UPF2: variants seen among roughly 807,000 people sequenced by gnomAD.
UPF2 encodes the protein regulator of nonsense transcripts 2.
In UPF2, 17 loss-of-function variants were observed where a neutral mutation model predicts 141.4. The ratio of observed to expected loss-of-function variants is 0.12; its 90% confidence interval spans 0.08 to 0.18. The LOEUF is 0.18. UPF2 is among the 10% of genes least tolerant of loss of function. The probability of loss-of-function intolerance (pLI) is 1.00; values close to 1 mark genes in which losing one functional copy is unlikely to be tolerated. For synonymous variants in UPF2, 540 were observed against 498.0 expected, an observed-to-expected ratio of 1.08 and a Z score of -1.12; for missense variants, 1,152 against 1,515.9, an observed-to-expected ratio of 0.76 and a Z score of 3.99.
intron 8 of UPF2, among the ~76,000 whole-genome samples, chr10:11,996,868 T>C (rs1833872584): frequency 6.6e-6 from 1 of 152,212 alleles, no homozygotes; most frequent in Non-Finnish European, 1.5e-5. Flanking sequence ...TGGGCCTCCA[T>C]CAATGAATGA....
At chr10:11,960,524 T>A (rs943317766) in intron 11 of UPF2, among the ~76,000 whole-genome samples, 35 of 152,036 alleles carry the variant, frequency 2.3e-4, no homozygotes, top group Non-Finnish European at 7.4e-5. Context: ...GCTTTGATCA[T>A]GTCACTGCAC....
intron 15 of UPF2, among the ~76,000 whole-genome samples, chr10:11,950,444 G>T (rs577021089): frequency 6.6e-6 from 1 of 152,106 alleles, no homozygotes; most frequent in Non-Finnish European, 1.5e-5. Context: ...CACTGATTGC[G>T]GCCGCTACCA....
intron 18 of UPF2, among the ~76,000 whole-genome samples, chr10:11,937,135 C>T (rs915399858): frequency 9.8e-5 from 15 of 152,340 alleles, no homozygotes; most frequent in African/African-American, 2.4e-4. Context: ...AGGGCGTTAC[C>T]CACAGCAGGA....
intron 9 of UPF2, among the ~76,000 whole-genome samples, chr10:11,974,021 G>A (rs1833463614): frequency 6.6e-6 from 1 of 152,160 alleles, no homozygotes; most frequent in African/African-American, 2.4e-5. Context: ...CCGTGAGCAT[G>A]GAATGTTCTT....
intron 14 of UPF2, among the ~76,000 whole-genome samples, chr10:11,954,904 T>C (rs1833125820): frequency 2.0e-5 from 3 of 150,708 alleles, no homozygotes; most frequent in Admixed American, 2.0e-4. Context: ...GTATTACAAA[T>C]CACAAGTAAT....
intron 9 of UPF2, 92 bp from the exon 10 acceptor site, chr10:11,967,546 GTTT>G (rs755905255): frequency 8.8e-3 from 2,131 of 241,996 alleles, no homozygotes; most frequent in Middle Eastern, 0.018. Context: ...ATTCACTCCA[GTTT>G]TTTTTTTTTT....
chr10:11,925,627 G>A (rs975383606), intron 21 of UPF2, among the ~76,000 whole-genome samples: 1 of 152,224 alleles, frequency 6.6e-6, no homozygotes, highest in African/African-American at 2.4e-5. Context: ...AGGAGGACAA[G>A]GTCTGCAGAA....
rs1271847474 is a variant in UPF2 at position 11,979,190 on chromosome 10, G to A, written c.1845-25C>T. 2 of 1,535,722 alleles carry A rather than the reference G, an allele frequency of 1.3e-6. No individual in the cohort carries two copies. Among genetic ancestry groups the A allele is most frequent in the South Asian group, 1.2e-5 (1 of 86,828 alleles). On this transcript the variant is annotated intron_variant, in intron 8 of 21. Coordinates refer to ENST00000357604, the MANE Select transcript of UPF2 (RefSeq NM_015542.4). The surrounding 1 kb of genome is among the most constrained non-coding windows in gnomAD (Gnocchi z 6.2). ...CCTGCAAAAGTTATATGTGATATGTGTCAAAGGAAAGACATATCAAAAATA... is the reference window on the plus strand; with the variant it reads ...CCTGCAAAAGTTATATGTGATATGTATCAAAGGAAAGACATATCAAAAATA...
At chr10:11,991,818 T>A (rs1833785240) in intron 8 of UPF2, among the ~76,000 whole-genome samples, 1 of 152,200 alleles carries the variant, frequency 6.6e-6, no homozygotes, top group Admixed American at 6.5e-5. Context: ...AGGCACATTT[T>A]TCCCCAAGAA....
At chr10:11,948,290 A>G in intron 16 of UPF2, 79 bp downstream of exon 16, 1 of 1,221,442 alleles carries the variant, frequency 8.2e-7, no homozygotes, top group African/African-American at 1.6e-5. Flanking sequence ...GGTCTTATGT[A>G]TTAAAAAAAT....
intron 4 of UPF2, among the ~76,000 whole-genome samples, chr10:12,007,144 G>C (rs1207724594): frequency 7.2e-5 from 11 of 152,174 alleles, no homozygotes; most frequent in Admixed American, 7.2e-4. Flanking sequence ...GGAATGAGAT[G>C]TATCTACAAG....
At chr10:11,943,978 G>A (rs1832968719) in intron 16 of UPF2, among the ~76,000 whole-genome samples, 2 of 147,538 alleles carry the variant, frequency 1.4e-5, no homozygotes, top group Admixed American at 6.9e-5. Context: ...CCCCCGCATG[G>A]TTCCTTAAGA....
Position 11,998,009 on chromosome 10 carries a change from G to C in UPF2, c.1759-252C>G, listed in dbSNP as rs549262731. On this transcript the variant is annotated intron_variant, in intron 7 of 21. Coordinates refer to ENST00000357604, the MANE Select transcript of UPF2 (RefSeq NM_015542.4). The surrounding 1 kb of genome is among the most constrained non-coding windows in gnomAD (Gnocchi z 4.5). ...GTAAAGGGGAATGAGCAAAGAGAAA[G>C]AGACAGGCACAAATTATACCCAAGA... Among the ~76,000 whole-genome samples the C allele has an allele frequency of 7.2e-5, 11 of 152,322 alleles. No individual in the cohort carries two copies. In the East Asian group the frequency reaches 2.1e-3, roughly 29 times the overall value.
At chr10:11,963,863 C>T (rs1833277664) in intron 11 of UPF2, 146 bp downstream of exon 11, 3 of 576,960 alleles carry the variant, frequency 5.2e-6, no homozygotes, top group South Asian at 2.8e-5. Context: ...GATTGCAACT[C>T]ATATGTATGG....
At chr10:11,962,176 T>TC (rs1833251539) in intron 11 of UPF2, among the ~76,000 whole-genome samples, 1 of 152,126 alleles carries the variant, frequency 6.6e-6, no homozygotes, top group Admixed American at 6.5e-5. Context: ...TAGAAACTTT[T>TC]CCCCCACACA....
At chr10:12,032,295 C>G (rs1173169039) in intron 2 of UPF2, among the ~76,000 whole-genome samples, 2 of 127,092 alleles carry the variant, frequency 1.6e-5, no homozygotes, top group Admixed American at 1.6e-4. Context: ...ACAACTCTGT[C>G]TCAAAAAAAA....
In UPF2 at chr10:12,028,914, TC is replaced by T; in HGVS notation, c.975del (p.Val327Ter). On this transcript the variant is annotated frameshift_variant, in exon 3 of 22. Coordinates refer to ENST00000357604, the MANE Select transcript of UPF2 (RefSeq NM_015542.4). LOFTEE classifies it high-confidence loss of function. ...CGDDIAGLVP[R>X]KVKSAAEKFN... Reference sequence around the variant, plus strand: ...AACTTCTCTGCAGCACTCTTTACTTTCCTTGGTACAAGTCCAGCAATATCAT... The same window carrying T: ...AACTTCTCTGCAGCACTCTTTACTTTCTTGGTACAAGTCCAGCAATATCAT... 6.2e-7 allele frequency: 1 copy of T among 1,614,176 alleles called. No homozygotes were observed. Among genetic ancestry groups the T allele is most frequent in the Non-Finnish European group, 8.5e-7 (1 of 1,180,038 alleles).
rs1834477142 is a variant in UPF2, at chr10:12,029,483, T to C, written c.407A>G (p.Glu136Gly). The C allele has an allele frequency of 2.5e-6, 4 of 1,606,002 alleles. No homozygotes were observed. In the East Asian group the frequency reaches 8.9e-5, roughly 36 times the overall value. ...ESIQLHQEAW[E>G]RHHLRKELRS... ...AAGTTCCTTTCTTAAATGATGTCGTTCCCAAGCTTCCTGATGAAGCTGAAT... is the reference window on the plus strand; with the variant it reads ...AAGTTCCTTTCTTAAATGATGTCGTCCCCAAGCTTCCTGATGAAGCTGAAT... The change falls in exon 3 of 22, where the codon GAA becomes GGA. Residue 136 changes from glutamate (E) to glycine (G), a missense_variant. Coordinates refer to ENST00000357604, the MANE Select transcript of UPF2 (RefSeq NM_015542.4).
At chr10:11,955,130 A>T in intron 14 of UPF2, 102 bp downstream of exon 14, 1 of 1,126,966 alleles carries the variant, frequency 8.9e-7, no homozygotes, top group East Asian at 2.8e-5. Flanking sequence ...ATGAACATAT[A>T]TATAATATAT....
Sources: allele counts gnomAD v4.1 joint callset (sites outside exome capture counted in the v4.1 genomes callset), GRCh38; gene constraint gnomAD v4.1.1; non-coding constraint Gnocchi (gnomAD v3.1); transcripts MANE v1.5; gene names NCBI Gene and HGNC (gene_info 2026-07-23, HGNC 2026-07-21).